RNLS: variants seen among roughly 807,000 people sequenced by gnomAD.
RNLS encodes renalase.
A neutral mutation model predicts 39.8 loss-of-function variants in RNLS; 39 were observed. That is an observed-to-expected ratio of 0.98 (90% CI 0.76 to 1.28). The LOEUF (loss-of-function observed/expected upper bound fraction) is 1.28, where lower values mean the gene tolerates loss of function less well. Ranked by LOEUF, RNLS falls within the 50% of genes most tolerant of loss-of-function variation. The probability of loss-of-function intolerance (pLI) is 0.00; values close to 1 mark genes in which losing one functional copy is unlikely to be tolerated. For synonymous variants in RNLS, 147 were observed against 150.7 expected (o/e 0.98, Z 0.18); for missense variants, 410 against 413.3 (o/e 0.99, Z 0.07).
the RNLS span, among the ~76,000 whole-genome samples, chr10:88,177,726 T>C: frequency 1.3e-5 from 2 of 152,224 alleles, no homozygotes; most frequent in Non-Finnish European, 2.9e-5. Flanking sequence ...TTCTATAGAG[T>C]TGCTTTCGCA....
intron 4 of RNLS, among the ~76,000 whole-genome samples, chr10:88,391,216 TTTC>T (rs1297063115): frequency 6.6e-5 from 10 of 152,224 alleles, no homozygotes; most frequent in Non-Finnish European, 1.3e-4. Flanking sequence ...ATGATATTCC[TTTC>T]TTCTTCTTTA....
At chr10:88,485,717 T>C (rs917385803) in intron 4 of RNLS, among the ~76,000 whole-genome samples, 6 of 151,640 alleles carry the variant, frequency 4.0e-5, no homozygotes, top group African/African-American at 1.4e-4. Context: ...CACAATATTC[T>C]TTTTCTGGTA....
At chr10:88,470,939 G>T (rs1435199294) in intron 4 of RNLS, among the ~76,000 whole-genome samples, 2 of 152,080 alleles carry the variant, frequency 1.3e-5, no homozygotes, top group Admixed American at 1.3e-4. Context: ...TAAACTTAAT[G>T]AGGTATGATA....
At chr10:88,246,139 T>A in the RNLS span, among the ~76,000 whole-genome samples, 1 of 152,128 alleles carries the variant, frequency 6.6e-6, no homozygotes, top group South Asian at 2.1e-4. Flanking sequence ...GGACTTCAGG[T>A]CTGCAGTGCA....
At chr10:88,570,974 T>TG (rs1353775459) in intron 4 of RNLS, among the ~76,000 whole-genome samples, 12 of 140,038 alleles carry the variant, frequency 8.6e-5, no homozygotes, top group South Asian at 5.0e-4. Context: ...TTTTTTTTTT[T>TG]TTTTTTTTTG....
At chr10:88,420,893 G>A (rs1854364611) in intron 4 of RNLS, among the ~76,000 whole-genome samples, 1 of 152,218 alleles carries the variant, frequency 6.6e-6, no homozygotes, top group Non-Finnish European at 1.5e-5. Flanking sequence ...TGAATGCCTG[G>A]CTACTCTTAA....
intron 4 of RNLS, among the ~76,000 whole-genome samples, chr10:88,488,332 A>T (rs188889646): frequency 6.6e-4 from 101 of 152,156 alleles, no homozygotes; most frequent in Non-Finnish European, 1.3e-3. Context: ...AGATCACCTG[A>T]GGTTGGGAGT....
At chr10:88,574,699 T>C (rs1850053976) in intron 3 of RNLS, among the ~76,000 whole-genome samples, 1 of 152,198 alleles carries the variant, frequency 6.6e-6, no homozygotes, top group Admixed American at 6.5e-5. Context: ...TCAATCTCTG[T>C]TCAAGACAGT....
At chr10:88,309,191 G>A (rs540490330) in intron 6 of RNLS, among the ~76,000 whole-genome samples, 8 of 152,100 alleles carry the variant, frequency 5.3e-5, no homozygotes, top group East Asian at 1.9e-4. Flanking sequence ...CTTAATACCC[G>A]GGTGATAAAA....
intron 4 of RNLS, among the ~76,000 whole-genome samples, chr10:88,429,461 T>C (rs1012288154): frequency 2.0e-5 from 3 of 151,922 alleles, no homozygotes; most frequent in Admixed American, 2.0e-4. Flanking sequence ...GGAGTTCACG[T>C]TCATCATCTG....
chr10:88,250,664 T>C, the RNLS span, among the ~76,000 whole-genome samples: 1 of 152,178 alleles, frequency 6.6e-6, no homozygotes, highest in South Asian at 2.1e-4. Flanking sequence ...GCAAATTAAC[T>C]AAAAAATTTT....
intron 4 of RNLS, among the ~76,000 whole-genome samples, chr10:88,540,948 C>A (rs994613393): frequency 6.8e-6 from 1 of 146,760 alleles, no homozygotes. Flanking sequence ...ATCAGAGTCA[C>A]ATTTTGTTAT....
intron 4 of RNLS, among the ~76,000 whole-genome samples, chr10:88,563,049 T>G (rs1849280756): frequency 6.6e-6 from 1 of 152,196 alleles, no homozygotes; most frequent in South Asian, 2.1e-4. Flanking sequence ...AAAATTTTAC[T>G]GAGGACATTA....
At chr10:88,545,926 T>C (rs948527473) in intron 4 of RNLS, among the ~76,000 whole-genome samples, 2 of 152,106 alleles carry the variant, frequency 1.3e-5, no homozygotes, top group Non-Finnish European at 2.9e-5. Flanking sequence ...TAATGAATGA[T>C]AACAATTAGC....
chr10:88,231,942 C>CTGTGTGTGTGTGTGTG, the RNLS span, among the ~76,000 whole-genome samples: 3,563 of 149,698 alleles, frequency 0.024, 94 homozygotes, highest in African/African-American at 0.069. Flanking sequence ...CACAGGATTT[C>CTGTGTGTGTGTGTGTG]TGTGTGTGTG....
Position 88,363,413 on chromosome 10 carries a change from CACAA to C in RNLS, c.527-692_527-689del, listed in dbSNP as rs201719501. Among the ~76,000 whole-genome samples the C allele has an allele frequency of 7.7e-3, 1,167 of 152,132 alleles. 15 individuals are homozygous for C. Among genetic ancestry groups the C allele is most frequent in the East Asian group, 0.011 (55 of 5,178 alleles). Reference sequence around the variant, plus strand: ...ACACCTGAACTTAAAAGTTGCAGAACACAAACAAAAACTGCTACACACACACACA... The same window carrying C: ...ACACCTGAACTTAAAAGTTGCAGAACACAAAAACTGCTACACACACACACA... On this transcript the variant is annotated intron_variant, in intron 4 of 6. Coordinates refer to ENST00000331772, the MANE Select transcript of RNLS (RefSeq NM_001031709.3).
intron 4 of RNLS, among the ~76,000 whole-genome samples, chr10:88,454,262 C>T (rs1842502754): frequency 6.6e-6 from 1 of 152,160 alleles, no homozygotes; most frequent in African/African-American, 2.4e-5. Context: ...AAACAAATGA[C>T]TATCAGATTT....
the RNLS span, among the ~76,000 whole-genome samples, chr10:88,208,135 A>C: frequency 1.3e-5 from 2 of 152,106 alleles, no homozygotes; most frequent in South Asian, 4.2e-4. Context: ...ACCCTTCCTC[A>C]TGGCACCACT....
chr10:88,405,852 G>A (rs182057828), intron 4 of RNLS, among the ~76,000 whole-genome samples: 10 of 152,152 alleles, frequency 6.6e-5, no homozygotes, highest in African/African-American at 2.2e-4. Flanking sequence ...GTTCTGTTTT[G>A]ATGTATTTCC....
Sources: gnomAD v4.1 joint callset for allele counts (sites outside exome capture counted in the v4.1 genomes callset) on GRCh38, gnomAD v4.1.1 for gene constraint, MANE v1.5 for transcripts, NCBI Gene and HGNC (gene_info 2026-07-23, HGNC 2026-07-21) for gene names.